The following NR3C2 variants were observed in gnomAD, a reference collection of about 807,000 sequenced individuals.
NR3C2 encodes the protein nuclear receptor subfamily 3 group C member 2, also known as mineralocorticoid receptor.
Under a neutral mutation model 86.4 loss-of-function variants are expected in NR3C2, and 15 were observed. The observed-to-expected ratio is 0.17, with a 90% CI of 0.12 to 0.27. The LOEUF (loss-of-function observed/expected upper bound fraction) is 0.27. Ranked by LOEUF, NR3C2 falls within the 10% of genes least tolerant of loss-of-function variation. NR3C2 has a pLI of 1.00. For missense variants in NR3C2, 960 were observed against 1,195.6 expected (o/e 0.80, Z 2.91); for synonymous variants, 458 against 450.5 (o/e 1.02, Z -0.21).
chr4:148,333,290 T>G (rs933790703), intron 2 of NR3C2, among the ~76,000 whole-genome samples: 1 of 152,028 alleles, frequency 6.6e-6, no homozygotes, highest in African/African-American at 2.4e-5. Flanking sequence ...AGAAAACCTT[T>G]CTATGTTATG....
At chr4:148,257,660 TA>T (rs1257448212) in intron 3 of NR3C2, among the ~76,000 whole-genome samples, 23 of 152,178 alleles carry the variant, frequency 1.5e-4, no homozygotes, top group African/African-American at 5.3e-4. Context: ...TCTCATTAAT[TA>T]AAAAATATTT....
At chr4:148,173,174 G>A (rs573229338) in intron 4 of NR3C2, among the ~76,000 whole-genome samples, 2 of 152,340 alleles carry the variant, frequency 1.3e-5, no homozygotes, top group African/African-American at 4.8e-5. Flanking sequence ...GTGGGTGACA[G>A]AGTGGCAACA....
intron 2 of NR3C2, among the ~76,000 whole-genome samples, chr4:148,395,171 T>C (rs1157527310): frequency 2.0e-5 from 3 of 152,190 alleles, no homozygotes; most frequent in African/African-American, 7.2e-5. Context: ...GTTTTCCCAC[T>C]AGTTACTTAA....
At chr4:148,244,236 G>A (rs3846318) in intron 3 of NR3C2, among the ~76,000 whole-genome samples, 98,440 of 152,070 alleles carry the variant, frequency 0.65, 32,285 homozygotes, top group East Asian at 0.85. Context: ...CTTGAGGGCC[G>A]GATAGCTACA....
chr4:148,310,464 C>G (rs903959186), intron 2 of NR3C2, among the ~76,000 whole-genome samples: 4 of 152,174 alleles, frequency 2.6e-5, no homozygotes, highest in African/African-American at 7.2e-5. Context: ...TCACATGGAC[C>G]TACAGAACTA....
At chr4:148,328,068 A>G (rs1240902011) in intron 2 of NR3C2, among the ~76,000 whole-genome samples, 1 of 152,164 alleles carries the variant, frequency 6.6e-6, no homozygotes, top group Non-Finnish European at 1.5e-5. Flanking sequence ...GTTTAACTTC[A>G]ACACCGGCTT....
intron 2 of NR3C2, among the ~76,000 whole-genome samples, chr4:148,317,393 A>AAAAAGAC (rs2149945626): frequency 6.6e-6 from 1 of 152,096 alleles, no homozygotes; most frequent in African/African-American, 2.4e-5. Context: ...AGAAAAAAGA[A>AAAAAGAC]AAAAGACTAC....
At chr4:148,320,613 A>G (rs901263132) in intron 2 of NR3C2, among the ~76,000 whole-genome samples, 1 of 149,788 alleles carries the variant, frequency 6.7e-6, no homozygotes, top group Non-Finnish European at 1.5e-5. Context: ...GGGAGAGTGT[A>G]TGTGTCGAAG....
At chr4:148,242,455 A>T (rs1739102163) in intron 3 of NR3C2, among the ~76,000 whole-genome samples, 3 of 152,230 alleles carry the variant, frequency 2.0e-5, no homozygotes, top group Admixed American at 2.0e-4. Flanking sequence ...CATATAAAGC[A>T]TCTTCTGAGC....
chr4:148,385,157 C>T (rs1236891547), intron 2 of NR3C2, among the ~76,000 whole-genome samples: 1 of 152,158 alleles, frequency 6.6e-6, no homozygotes, highest in East Asian at 1.9e-4. Context: ...CAAAGAGGGG[C>T]TCTGAGAAAT....
At chr4:148,200,077 G>A (rs1736643322) in intron 3 of NR3C2, among the ~76,000 whole-genome samples, 1 of 152,216 alleles carries the variant, frequency 6.6e-6, no homozygotes, top group Non-Finnish European at 1.5e-5. Flanking sequence ...CAAAGAATAA[G>A]CCCAAGGAAG....
rs546950726 is a variant in NR3C2, at chr4:148,258,729, GA to G, written c.1897+1248del. Among the ~76,000 whole-genome samples the G allele has an allele frequency of 3.3e-5, 5 of 152,350 alleles. No individual in the cohort carries two copies. The South Asian group carries it at 1.0e-3, about 32-fold the overall frequency. ...AGAGCCAGAACAAAACCAAGCGACT[GA>G]GCGAGCGGGATTGAGTTCTAACGAC... On this transcript the variant is annotated intron_variant, in intron 3 of 8. Coordinates refer to ENST00000358102, the MANE Select transcript of NR3C2 (RefSeq NM_000901.5).
At chr4:148,109,158 C>T (rs1185125032) in intron 8 of NR3C2, among the ~76,000 whole-genome samples, 1 of 152,186 alleles carries the variant, frequency 6.6e-6, no homozygotes, top group Non-Finnish European at 1.5e-5. Context: ...TAAGGATCCT[C>T]TGATGCCCCC....
intron 2 of NR3C2, among the ~76,000 whole-genome samples, chr4:148,374,843 C>T (rs1469784753): frequency 6.6e-6 from 1 of 152,166 alleles, no homozygotes; most frequent in Non-Finnish European, 1.5e-5. Context: ...TGAAATCCCC[C>T]TGTATCTCCC....
intron 4 of NR3C2, among the ~76,000 whole-genome samples, chr4:148,187,025 T>C (rs1397276667): frequency 8.9e-6 from 1 of 112,946 alleles, no homozygotes; most frequent in Admixed American, 9.2e-5. Context: ...TATATATATA[T>C]ATATATATAT....
At chr4:148,400,213 A>G (rs1748073390) in intron 2 of NR3C2, among the ~76,000 whole-genome samples, 2 of 152,234 alleles carry the variant, frequency 1.3e-5, no homozygotes, top group African/African-American at 4.8e-5. Flanking sequence ...CAAAAATTCA[A>G]AAACCTTCAA....
At chr4:148,222,660 C>T (rs542709446) in intron 3 of NR3C2, among the ~76,000 whole-genome samples, 6 of 152,130 alleles carry the variant, frequency 3.9e-5, no homozygotes, top group East Asian at 1.9e-4. Context: ...ATTTAAAATG[C>T]GGGTTATATA....
At position 148,079,428 on chromosome 4, in the gene NR3C2, G is replaced by GTGT. The variant is rs1468642299; in HGVS notation, c.*1913_*1915dup. The GTGT allele has an allele frequency of 6.6e-6, 1 of 152,438 alleles. No individual in the cohort carries two copies. The highest frequency in any genetic ancestry group is 1.5e-5 in the Non-Finnish European group (1 of 68,050). 9.4% of individuals were successfully genotyped at this position (152,438 alleles called of 1,614,324 possible). On this transcript the variant is annotated 3_prime_UTR_variant, in exon 9 of 9. Transcript: ENST00000358102. ...CCTGCATGGTGAACCCTGGAGAAAAGTGTTGATCTAATTAATTGCTGCTTC... is the reference window on the plus strand; with the variant it reads ...CCTGCATGGTGAACCCTGGAGAAAAGTGTTGTTGATCTAATTAATTGCTGCTTC...
Position 148,080,589 on chromosome 4 carries a change from T to G in NR3C2, c.*755A>C, listed in dbSNP as rs5532. 5.5e-3 allele frequency: 865 copies of G among 156,776 alleles called. 11 individuals carry two copies. Among genetic ancestry groups the G allele is most frequent in the African/African-American group, 0.019 (797 of 41,728 alleles). The allele number at this position is 156,776 out of a possible 1,614,324, so 9.7% of individuals were successfully genotyped here. On this transcript the variant is annotated 3_prime_UTR_variant, in exon 9 of 9. Coordinates refer to ENST00000358102, the MANE Select transcript of NR3C2 (RefSeq NM_000901.5). The stretch of plus-strand genomic sequence containing the variant: ...TTGTATGTGTCTCATTTACAAAAGA[T>G]CCTTATACCTTATTTCAGGTCCTTC...
Sources: gnomAD v4.1 joint callset for allele counts (sites outside exome capture counted in the v4.1 genomes callset) on GRCh38, gnomAD v4.1.1 for gene constraint, MANE v1.5 for transcripts, NCBI Gene and HGNC (gene_info 2026-07-23, HGNC 2026-07-21) for gene names.